Variants in SH3GL3 observed in about 807,000 individuals in gnomAD.
SH3GL3 encodes the protein SH3 domain containing GRB2 like 3, endophilin A3.
In SH3GL3, 33 loss-of-function variants were observed where a neutral mutation model predicts 47.7. That is an observed-to-expected ratio of 0.69 (90% CI 0.52 to 0.92). The LOEUF is 0.92. Among genes scored for constraint, SH3GL3 ranks in the 40% least tolerant of loss-of-function variants. The pLI, the probability that SH3GL3 is intolerant of heterozygous loss-of-function variation, is 0.00. For synonymous variants in SH3GL3, 155 were observed against 148.8 expected (o/e 1.04, Z -0.30); for missense variants, 363 against 417.8 (o/e 0.87, Z 1.14).
chr15:83,610,911 T>C (rs2060643558), intron 8 of SH3GL3, among the ~76,000 whole-genome samples: 2 of 151,872 alleles, frequency 1.3e-5, no homozygotes, highest in South Asian at 4.1e-4. Flanking sequence ...GCCTCTACCT[T>C]AATAAAATGT....
chr15:83,513,892 C>G lies in SH3GL3; in HGVS notation c.46-45361C>G, dbSNP rs555646490. ...TGGGATATACACAAATTGCAGAACA[C>G]TGATAGCTATGGCATAGCTCTTATC... On this transcript the variant is annotated intron_variant, in intron 1 of 8. Transcript: ENST00000427482. 2.6e-5 allele frequency among the ~76,000 whole-genome samples: 4 copies of G among 152,318 alleles called. No homozygotes were observed. The East Asian group carries it at 7.7e-4, about 29-fold the overall frequency.
At chr15:83,631,616 T>A in the SH3GL3 span, among the ~76,000 whole-genome samples, 1 of 152,236 alleles carries the variant, frequency 6.6e-6, no homozygotes, top group African/African-American at 2.4e-5. Flanking sequence ...AGCAACACCC[T>A]GAGCTGTACC....
chr15:83,615,234 A>G (rs2060783313), intron 8 of SH3GL3, among the ~76,000 whole-genome samples: 1 of 152,210 alleles, frequency 6.6e-6, no homozygotes, highest in South Asian at 2.1e-4. Context: ...ACCTAGTTAA[A>G]TGAATTCATG....
chr15:83,470,143 C>T, intron 1 of SH3GL3, among the ~76,000 whole-genome samples: 1 of 152,028 alleles, frequency 6.6e-6, no homozygotes, highest in East Asian at 1.9e-4. Context: ...TTTCTTTTCT[C>T]CTGTTTTCTT....
intron 1 of SH3GL3, among the ~76,000 whole-genome samples, chr15:83,468,555 G>A (rs1460358553): frequency 6.6e-6 from 1 of 152,094 alleles, no homozygotes; most frequent in Non-Finnish European, 1.5e-5. Context: ...CTACTTTTCT[G>A]AATTTTTATC....
intron 1 of SH3GL3, among the ~76,000 whole-genome samples, chr15:83,459,676 T>A (rs1258884728): frequency 6.6e-6 from 1 of 152,222 alleles, no homozygotes; most frequent in Non-Finnish European, 1.5e-5. Context: ...TTATACAGTT[T>A]CTGCCTAATT....
Position 83,558,809 on chromosome 15 carries a change from C to T in SH3GL3, c.46-444C>T, listed in dbSNP as rs185723537. ...TCCCGCATGAACCTACTCCCAGTGC[C>T]GTGGGCTCTCAAAGTCCATTCTGTG... On this transcript the variant is annotated intron_variant, in intron 1 of 8. Coordinates refer to ENST00000427482, the MANE Select transcript of SH3GL3 (RefSeq NM_003027.5). 1.8e-3 allele frequency among the ~76,000 whole-genome samples: 275 copies of T among 152,288 alleles called. 2 individuals carry two copies. The highest frequency in any genetic ancestry group is 4.1e-4 in the Non-Finnish European group (28 of 68,028).
intron 8 of SH3GL3, among the ~76,000 whole-genome samples, chr15:83,616,924 A>G (rs975737656): frequency 1.3e-5 from 2 of 152,216 alleles, no homozygotes; most frequent in Non-Finnish European, 2.9e-5. Context: ...TTACATTGTG[A>G]GAGCTGACAG....
At chr15:83,460,000 TCTCCCCTCCCCTCCCGTCCC>T (rs1245256121) in intron 1 of SH3GL3, among the ~76,000 whole-genome samples, 14 of 72,328 alleles carry the variant, frequency 1.9e-4, no homozygotes, top group African/African-American at 5.7e-4. Flanking sequence ...TCCCTTTCCC[TCTCCCCTCCCCTCCCGTCCC>T]CTCCCCTCCC....
chr15:83,609,088 T>C (rs536510981), intron 8 of SH3GL3, among the ~76,000 whole-genome samples: 1 of 152,332 alleles, frequency 6.6e-6, no homozygotes, highest in South Asian at 2.1e-4. Context: ...GCTCAGTTCA[T>C]ACCTTTGGGT....
At chr15:83,620,668 C>G (rs550848848), downstream of SH3GL3, among the ~76,000 whole-genome samples, 1 of 152,294 alleles carries the variant, frequency 6.6e-6, no homozygotes, top group African/African-American at 2.4e-5. Context: ...TTATAGAGCA[C>G]AAGCAGAGCA....
At chr15:83,525,934 T>G (rs1485169528) in intron 1 of SH3GL3, among the ~76,000 whole-genome samples, 1 of 152,186 alleles carries the variant, frequency 6.6e-6, no homozygotes, top group East Asian at 1.9e-4. Context: ...GTTCTGTAAT[T>G]TTTTTGACAT....
At chr15:83,475,269 G>A (rs2041041683) in intron 1 of SH3GL3, among the ~76,000 whole-genome samples, 1 of 151,968 alleles carries the variant, frequency 6.6e-6, no homozygotes. Context: ...CATGAGGCCA[G>A]GAGTTCGAGA....
intron 6 of SH3GL3, among the ~76,000 whole-genome samples, chr15:83,578,927 G>A (rs1217173485): frequency 6.6e-6 from 1 of 152,118 alleles, no homozygotes; most frequent in Non-Finnish European, 1.5e-5. Context: ...ATTGTGTCTT[G>A]TGTGTCAGAT....
chr15:83,581,314 C>A (rs2059821810), intron 6 of SH3GL3, among the ~76,000 whole-genome samples: 1 of 152,218 alleles, frequency 6.6e-6, no homozygotes, highest in African/African-American at 2.4e-5. Context: ...CCTCTGCATT[C>A]TCCCAACTGA....
At chr15:83,473,924 G>A (rs1336788521) in intron 1 of SH3GL3, among the ~76,000 whole-genome samples, 16 of 150,996 alleles carry the variant, frequency 1.1e-4, no homozygotes, top group Admixed American at 1.1e-3. Context: ...TCTTGGACAC[G>A]TGAGGGAAAA....
Position 83,558,410 on chromosome 15 carries a change from G to GT in SH3GL3, c.46-834dup, listed in dbSNP as rs1053950188. Among the ~76,000 whole-genome samples, 12 of 150,650 alleles carry GT rather than the reference G, an allele frequency of 8.0e-5. 1 individual carries two copies. Among genetic ancestry groups the GT allele is most frequent in the South Asian group, 2.1e-4 (1 of 4,712 alleles). ...TCACAGTTAAACACAATTTATTGCTGTTTTTTTTTCTTAGCACATTGGCCA... is the reference window on the plus strand; with the variant it reads ...TCACAGTTAAACACAATTTATTGCTGTTTTTTTTTTCTTAGCACATTGGCCA... On this transcript the variant is annotated intron_variant, in intron 1 of 8. Transcript: ENST00000427482.
chr15:83,557,427 C>T (rs1028549323), intron 1 of SH3GL3, among the ~76,000 whole-genome samples: 2 of 152,246 alleles, frequency 1.3e-5, no homozygotes, highest in African/African-American at 4.8e-5. Context: ...GACTTCTGTA[C>T]TCAGCCTGAA....
rs190211866 is a variant in SH3GL3, at chr15:83,598,771, T to C, written c.838+10000T>C. ...CTGGAGTATTTTTAATGTTCAATTTTAACAGAGAGGAGAGGCCTCCGGTTA... is the reference window on the plus strand; with the variant it reads ...CTGGAGTATTTTTAATGTTCAATTTCAACAGAGAGGAGAGGCCTCCGGTTA... On this transcript the variant is annotated intron_variant, in intron 8 of 8. Coordinates refer to ENST00000427482, the MANE Select transcript of SH3GL3 (RefSeq NM_003027.5). 8.9e-4 allele frequency among the ~76,000 whole-genome samples: 135 copies of C among 152,360 alleles called. 1 individual carries two copies. Among genetic ancestry groups the C allele is most frequent in the African/African-American group, 3.1e-3 (128 of 41,586 alleles).
Sources: gnomAD v4.1 joint callset for allele counts (sites outside exome capture counted in the v4.1 genomes callset) on GRCh38, gnomAD v4.1.1 for gene constraint, MANE v1.5 for transcripts, NCBI Gene and HGNC (gene_info 2026-07-23, HGNC 2026-07-21) for gene names.